Variants in TESK2 observed in about 807,000 individuals in gnomAD.
TESK2 encodes testis associated actin remodelling kinase 2, also known as dual specificity testis-specific protein kinase 2.
TESK2 carries 39 observed loss-of-function variants against 57.1 expected under a neutral mutation model. The observed-to-expected ratio is 0.68, with a 90% CI of 0.53 to 0.89. TESK2 has a LOEUF of 0.89. TESK2 is among the 40% of genes least tolerant of loss of function. The probability of loss-of-function intolerance (pLI) is 0.00; values close to 1 mark genes in which losing one functional copy is unlikely to be tolerated. For synonymous variants in TESK2, 249 were observed against 267.9 expected (o/e 0.93, Z 0.69); for missense variants, 646 against 732.1 (o/e 0.88, Z 1.36).
rs1557594476 is a variant in TESK2 at position 45,491,125 on chromosome 1, G to C, written c.-360C>G. On this transcript the variant is annotated 5_prime_UTR_variant, in exon 1 of 11. Transcript: ENST00000372086. ...ACGATCCGACCAGCGAAGCCAACAG[G>C]GCAGCTGGTAGCTCTGCTGAGCTCC... 1 of 152,286 alleles carries C rather than the reference G, an allele frequency of 6.6e-6. No homozygotes were observed. The highest frequency in any genetic ancestry group is 1.5e-5 in the Non-Finnish European group (1 of 68,104). 9.4% of individuals were successfully genotyped at this position (152,286 alleles called of 1,614,324 possible).
At chr1:45,431,190 C>T (rs781237636) in intron 2 of TESK2, among the ~76,000 whole-genome samples, 3 of 151,916 alleles carry the variant, frequency 2.0e-5, no homozygotes, top group Non-Finnish European at 4.4e-5. Flanking sequence ...AGGCCGAGGT[C>T]GGCGGATCAC....
intron 1 of TESK2, among the ~76,000 whole-genome samples, chr1:45,486,782 TACACAC>T (rs71052887): frequency 1.1e-3 from 124 of 115,888 alleles, no homozygotes; most frequent in South Asian, 7.5e-3. Context: ...CCTCCCAGCA[TACACAC>T]ACACACACAC....
At chr1:45,394,737 G>T (rs1269342639) in intron 3 of TESK2, among the ~76,000 whole-genome samples, 1 of 131,282 alleles carries the variant, frequency 7.6e-6, no homozygotes, top group East Asian at 2.2e-4. Context: ...TGTTGCCCAG[G>T]CTGCAGTACA....
intron 1 of TESK2, among the ~76,000 whole-genome samples, chr1:45,478,535 A>G (rs1653090725): frequency 6.6e-6 from 1 of 152,182 alleles, no homozygotes; most frequent in African/African-American, 2.4e-5. Flanking sequence ...GGACATCGAG[A>G]TTCCACATTT....
chr1:45,386,299 C>T (rs182673243), intron 3 of TESK2, among the ~76,000 whole-genome samples: 5 of 136,536 alleles, frequency 3.7e-5, no homozygotes, highest in African/African-American at 5.5e-5. Context: ...GAGCTGAGAT[C>T]GCACCATTGC....
intron 4 of TESK2, among the ~76,000 whole-genome samples, chr1:45,373,730 A>G (rs1648294959): frequency 6.6e-6 from 1 of 152,256 alleles, no homozygotes; most frequent in African/African-American, 2.4e-5. Flanking sequence ...GATAACAAGA[A>G]AAGACCACAT....
chr1:45,354,353 T>C (rs1374730240), intron 5 of TESK2, among the ~76,000 whole-genome samples: 3 of 152,130 alleles, frequency 2.0e-5, no homozygotes, highest in Non-Finnish European at 2.9e-5. Context: ...AGGCTGGGTA[T>C]GGTGGCTCAT....
intron 3 of TESK2, among the ~76,000 whole-genome samples, chr1:45,410,201 C>T (rs764270196): frequency 1.3e-5 from 2 of 152,062 alleles, no homozygotes; most frequent in Non-Finnish European, 2.9e-5. Context: ...ACAAAAGATG[C>T]TTTGTGAACT....
chr1:45,416,979 G>T (rs1276393553), intron 3 of TESK2, among the ~76,000 whole-genome samples: 1 of 151,642 alleles, frequency 6.6e-6, no homozygotes, highest in Admixed American at 6.6e-5. Context: ...GTAGAGATGG[G>T]GTTTCACCGT....
intron 5 of TESK2, among the ~76,000 whole-genome samples, chr1:45,352,402 A>G (rs1428845303): frequency 6.6e-6 from 1 of 152,266 alleles, no homozygotes; most frequent in Non-Finnish European, 1.5e-5. Context: ...CTTATCCTAT[A>G]GTCCAAAAAG....
intron 2 of TESK2, among the ~76,000 whole-genome samples, chr1:45,424,784 T>C (rs957795105): frequency 6.6e-5 from 10 of 152,182 alleles, no homozygotes; most frequent in African/African-American, 2.4e-5. Flanking sequence ...ATCAATGTGA[T>C]ACATTATATC....
Position 45,385,791 on chromosome 1 carries a change from A to G in TESK2, c.393+121T>C, listed in dbSNP as rs1345685284. The G allele has an allele frequency of 6.0e-6, 3 of 501,708 alleles. No homozygotes were observed. The East Asian group carries it at 1.2e-4, about 20-fold the overall frequency. The allele number at this position is 501,708 out of a possible 1,614,324, so 31.1% of individuals were successfully genotyped here. A position where few individuals can be genotyped will look rare whatever the true frequency, so the allele number is the denominator to read the frequency against. On this transcript the variant is annotated intron_variant, in intron 4 of 10. Transcript: ENST00000372086. ...AGAATAAAGCATTATTAACACTGCC[A>G]TTTTTGCATAAACATAAATGCACAT... is the stretch of plus-strand genomic sequence containing the variant.
At chr1:45,455,037 A>G (rs1237544926) in intron 2 of TESK2, among the ~76,000 whole-genome samples, 1 of 152,192 alleles carries the variant, frequency 6.6e-6, no homozygotes, top group Non-Finnish European at 1.5e-5. Flanking sequence ...GGTTCTGGAC[A>G]GAAATATAGT....
chr1:45,450,743 G>GTATT (rs1035096454), intron 2 of TESK2, among the ~76,000 whole-genome samples: 8 of 151,264 alleles, frequency 5.3e-5, no homozygotes, highest in Admixed American at 1.3e-4. Context: ...TGTTTATTTT[G>GTATT]TATTTATTTA....
intron 3 of TESK2, among the ~76,000 whole-genome samples, chr1:45,387,675 A>G (rs896519512): frequency 4.6e-5 from 7 of 152,212 alleles, no homozygotes; most frequent in African/African-American, 1.7e-4. Flanking sequence ...GAAACAAAGG[A>G]GAATGCCTGG....
chr1:45,365,199 G>A (rs1441836650), intron 4 of TESK2, among the ~76,000 whole-genome samples: 1 of 152,134 alleles, frequency 6.6e-6, no homozygotes, highest in East Asian at 1.9e-4. Flanking sequence ...CTCCAAAGAA[G>A]CCTCCTGTTC....
intron 3 of TESK2, 123 bp downstream of exon 3, chr1:45,421,602 C>A: frequency 7.2e-7 from 1 of 1,379,964 alleles, no homozygotes; most frequent in African/African-American, 1.4e-5. Flanking sequence ...ACCACTAAAC[C>A]CCAGCAAGAT....
Position 45,344,955 on chromosome 1 carries a change from C to T in TESK2, c.1601G>A (p.Cys534Tyr). 7 of 1,614,276 alleles carry T rather than the reference C, an allele frequency of 4.3e-6. No homozygotes were observed. Among genetic ancestry groups the T allele is most frequent in the Non-Finnish European group, 5.9e-6 (7 of 1,180,050 alleles). Residue 534 changes from cysteine (C) to tyrosine (Y), a missense_variant, in exon 11 of 11, where the codon TGC (cysteine) becomes TAC (tyrosine). By Grantham distance (194) the Cys-to-Tyr change is radical. Transcript: ENST00000372086. ...FGSRPQGTSP[C>Y]PAGASEEMEV... Reference sequence around the variant, plus strand: ...CATCTCCTCAGAAGCACCCGCAGGGCATGGACTGGTCCCCTGGGGCCTGGA... The same window carrying T: ...CATCTCCTCAGAAGCACCCGCAGGGTATGGACTGGTCCCCTGGGGCCTGGA...
chr1:45,398,913 C>T, intron 3 of TESK2: 1 of 422,336 alleles, frequency 2.4e-6, no homozygotes, highest in South Asian at 1.7e-5. Context: ...GTGGAGGAAC[C>T]TGAGGCCCTC....
Sources: allele counts gnomAD v4.1 joint callset (sites outside exome capture counted in the v4.1 genomes callset), GRCh38; gene constraint gnomAD v4.1.1; transcripts MANE v1.5; gene names NCBI Gene and HGNC (gene_info 2026-07-23, HGNC 2026-07-21).